PALM2AKAP2: variants seen among roughly 807,000 people sequenced by gnomAD.
The protein encoded by PALM2AKAP2 is PALM2 and AKAP2 fusion.
Under a neutral mutation model 71.5 loss-of-function variants are expected in PALM2AKAP2, and 37 were observed. The observed-to-expected ratio is 0.52, with a 90% CI of 0.40 to 0.68. The LOEUF (loss-of-function observed/expected upper bound fraction) is 0.68, where lower values mean the gene tolerates loss of function less well. Among genes scored for constraint, PALM2AKAP2 ranks in the 30% least tolerant of loss-of-function variants. The probability of loss-of-function intolerance (pLI) is 0.00; values close to 1 mark genes in which losing one functional copy is unlikely to be tolerated. For missense variants in PALM2AKAP2, 1,224 were observed against 1,191.8 expected (o/e 1.03, Z -0.40); for synonymous variants, 468 against 478.8 (o/e 0.98, Z 0.29).
intron 1 of PALM2AKAP2, among the ~76,000 whole-genome samples, chr9:109,809,156 G>A (rs1827661519): frequency 6.6e-6 from 1 of 152,228 alleles, no homozygotes; most frequent in Admixed American, 6.5e-5. Flanking sequence ...TAGTGGAGCT[G>A]TGAGAAGAAG....
intron 1 of PALM2AKAP2, among the ~76,000 whole-genome samples, chr9:109,707,079 T>C (rs752149113): frequency 1.3e-5 from 2 of 152,220 alleles, no homozygotes; most frequent in Admixed American, 1.3e-4. Flanking sequence ...TTATTAAGAA[T>C]CAGCTTATTA....
chr9:109,878,854 C>T (rs1829777123), intron 2 of PALM2AKAP2, among the ~76,000 whole-genome samples: 1 of 152,224 alleles, frequency 6.6e-6, no homozygotes, highest in South Asian at 2.1e-4. Flanking sequence ...TCTTCTGTCT[C>T]AGCCTCCCAA....
intron 1 of PALM2AKAP2, among the ~76,000 whole-genome samples, chr9:110,117,270 C>T (rs983466270): frequency 6.6e-6 from 1 of 152,120 alleles, no homozygotes; most frequent in Non-Finnish European, 1.5e-5. Flanking sequence ...TAGGTTCATG[C>T]CACCATGCCC....
At chr9:109,840,168 A>C (rs2131579547) in intron 1 of PALM2AKAP2, among the ~76,000 whole-genome samples, 1 of 152,324 alleles carries the variant, frequency 6.6e-6, no homozygotes, top group East Asian at 1.9e-4. Context: ...CAAAACAGAG[A>C]TATAGACCAA....
intron 6 of PALM2AKAP2, chr9:109,943,286 C>T (rs776358910): frequency 2.8e-5 from 45 of 1,614,074 alleles, no homozygotes; most frequent in Non-Finnish European, 3.6e-5. Flanking sequence ...GACGGGAACG[C>T]GGCTGAGCTT....
chr9:109,990,210 T>A (rs1832452671), intron 6 of PALM2AKAP2, among the ~76,000 whole-genome samples: 1 of 151,942 alleles, frequency 6.6e-6, no homozygotes, highest in African/African-American at 2.4e-5. Flanking sequence ...TAACTGGGGT[T>A]ATAGAGCCCA....
At chr9:109,811,099 G>T (rs1827716023) in intron 1 of PALM2AKAP2, among the ~76,000 whole-genome samples, 1 of 152,194 alleles carries the variant, frequency 6.6e-6, no homozygotes, top group African/African-American at 2.4e-5. Context: ...TCAGATTTCT[G>T]GATACCTCCA....
chr9:109,684,470 G>C (rs556848064), intron 1 of PALM2AKAP2, among the ~76,000 whole-genome samples: 1 of 152,286 alleles, frequency 6.6e-6, no homozygotes, highest in East Asian at 1.9e-4. Context: ...TCTAATCTGA[G>C]AAACTGCAGG....
At chr9:110,098,909 C>T (rs921873404) in intron 1 of PALM2AKAP2, among the ~76,000 whole-genome samples, 1 of 152,216 alleles carries the variant, frequency 6.6e-6, no homozygotes, top group Admixed American at 6.5e-5. Flanking sequence ...AGCAGGCCAA[C>T]ATTTCCACCC....
intron 1 of PALM2AKAP2, among the ~76,000 whole-genome samples, chr9:109,735,150 T>G (rs950890207): frequency 2.7e-5 from 4 of 150,380 alleles, no homozygotes; most frequent in African/African-American, 9.8e-5. Flanking sequence ...CAGTTCTCTG[T>G]GTCTTTGACT....
intron 1 of PALM2AKAP2, among the ~76,000 whole-genome samples, chr9:109,660,959 T>A (rs1827384664): frequency 6.6e-6 from 1 of 152,204 alleles, no homozygotes. Context: ...GCTGCATAGA[T>A]GTCTTCCTTT....
At chr9:110,009,505 G>A (rs1832840547) in intron 6 of PALM2AKAP2, among the ~76,000 whole-genome samples, 1 of 151,984 alleles carries the variant, frequency 6.6e-6, no homozygotes, top group Non-Finnish European at 1.5e-5. Context: ...ACGAGGTCAG[G>A]AGACCGAGAC....
At chr9:109,936,584 A>C (rs1000322582) in intron 6 of PALM2AKAP2, among the ~76,000 whole-genome samples, 1 of 151,950 alleles carries the variant, frequency 6.6e-6, no homozygotes, top group African/African-American at 2.4e-5. Flanking sequence ...TGCAATGCCA[A>C]CTCCTGGATG....
At chr9:109,915,886 T>C (rs1034905585) in intron 3 of PALM2AKAP2, among the ~76,000 whole-genome samples, 1 of 152,018 alleles carries the variant, frequency 6.6e-6, no homozygotes, top group Non-Finnish European at 1.5e-5. Flanking sequence ...CCAAGTTGTA[T>C]TTGTCTGTGC....
chr9:110,154,206 A>G (rs138049779), intron 2 of PALM2AKAP2, among the ~76,000 whole-genome samples: 125 of 152,292 alleles, frequency 8.2e-4, no homozygotes, highest in African/African-American at 2.8e-3. Flanking sequence ...TGTCCTCATA[A>G]TAACTATCTG....
chr9:109,734,335 A>G (rs1828598015), intron 1 of PALM2AKAP2, among the ~76,000 whole-genome samples: 2 of 152,246 alleles, frequency 1.3e-5, no homozygotes, highest in Non-Finnish European at 2.9e-5. Context: ...GCTAGTATAA[A>G]GAGAGTAAAT....
At chr9:110,119,309 C>CTCCA (rs113524409) in intron 1 of PALM2AKAP2, among the ~76,000 whole-genome samples, 6,283 of 143,852 alleles carry the variant, frequency 0.044, 449 homozygotes, top group African/African-American at 0.16. Context: ...TGCCACTGCA[C>CTCCA]TCCAGCCTGG....
chr9:110,164,456 GTTT>G (rs1836680739), intron 3 of PALM2AKAP2, among the ~76,000 whole-genome samples: 1 of 149,240 alleles, frequency 6.7e-6, no homozygotes. Flanking sequence ...AGAGATAATT[GTTT>G]TTTATTCCCT....
rs1232564581 is a variant in PALM2AKAP2, at chr9:110,137,076, TGCAGAAGCAGTTACA to T, written c.1111_1125del (p.Lys371_Gln375del). On this transcript the variant is annotated inframe_deletion, in exon 2 of 4. Coordinates refer to ENST00000374525, the Ensembl canonical transcript of PALM2AKAP2. ...AGGGCACAGCAGGAACAGTTGCTGCTGCAGAAGCAGTTACAGCAGCAGCAGCAGCAGCCCCCATCG... is the reference window on the plus strand; with the variant it reads ...AGGGCACAGCAGGAACAGTTGCTGCTGCAGCAGCAGCAGCAGCCCCCATCG... The T allele has an allele frequency of 1.9e-6, 3 of 1,613,756 alleles. No individual in the cohort carries two copies. In the Admixed American group the frequency reaches 5.0e-5, roughly 27 times the overall value.
Sources: allele counts gnomAD v4.1 joint callset (sites outside exome capture counted in the v4.1 genomes callset), GRCh38; gene constraint gnomAD v4.1.1; transcripts MANE v1.5; gene names NCBI Gene and HGNC (gene_info 2026-07-23, HGNC 2026-07-21).